Variants in SLC9C1 observed in about 807,000 individuals in gnomAD.
The protein encoded by SLC9C1 is solute carrier family 9 member C1, also known as sodium/hydrogen exchanger 10.
Under a neutral mutation model 140.9 loss-of-function variants are expected in SLC9C1, and 97 were observed. The ratio of observed to expected loss-of-function variants is 0.69; its 90% confidence interval spans 0.58 to 0.82. SLC9C1 has a LOEUF of 0.82. Ranked by LOEUF, SLC9C1 falls within the 40% of genes least tolerant of loss-of-function variation. SLC9C1 has a pLI of 0.00. For synonymous variants in SLC9C1, 440 were observed against 442.6 expected (o/e 0.99, Z 0.07); for missense variants, 1,340 against 1,389.3 (o/e 0.96, Z 0.56).
At chr3:112,157,079 A>G (rs756202134) in intron 26 of SLC9C1, among the ~76,000 whole-genome samples, 4 of 151,898 alleles carry the variant, frequency 2.6e-5, no homozygotes, top group Non-Finnish European at 4.4e-5. Context: ...TTGTGGTCTT[A>G]GGCAAAAAAA....
intron 17 of SLC9C1, among the ~76,000 whole-genome samples, chr3:112,203,221 A>G (rs546583970): frequency 6.6e-6 from 1 of 152,186 alleles, no homozygotes; most frequent in South Asian, 2.1e-4. Flanking sequence ...GTGATTTAAC[A>G]TAAGACCATA....
At chr3:112,292,866 C>G (rs2080727440) in intron 1 of SLC9C1, among the ~76,000 whole-genome samples, 1 of 150,914 alleles carries the variant, frequency 6.6e-6, no homozygotes, top group Non-Finnish European at 1.5e-5. Flanking sequence ...ATAATTAGAA[C>G]TCTTCATCTT....
intron 20 of SLC9C1, among the ~76,000 whole-genome samples, chr3:112,187,820 CATAG>C (rs764252554): frequency 1.3e-4 from 20 of 152,038 alleles, no homozygotes; most frequent in South Asian, 4.2e-4. Flanking sequence ...TAATATATTA[CATAG>C]ATAGGTGTAT....
intron 20 of SLC9C1, chr3:112,185,409 G>C (rs1460789659): frequency 2.3e-5 from 25 of 1,073,092 alleles, no homozygotes; most frequent in Non-Finnish European, 1.9e-5. Context: ...AGCTGAAAGA[G>C]GCACTCAGGG....
chr3:112,227,947 T>A (rs1240452097), intron 13 of SLC9C1, among the ~76,000 whole-genome samples: 2 of 152,076 alleles, frequency 1.3e-5, no homozygotes, highest in Non-Finnish European at 2.9e-5. Flanking sequence ...CATGTTCATA[T>A]ATTGGAAGAA....
At chr3:112,159,565 T>G (rs2107879403) in intron 26 of SLC9C1, among the ~76,000 whole-genome samples, 2 of 152,262 alleles carry the variant, frequency 1.3e-5, no homozygotes, top group Admixed American at 1.3e-4. Context: ...TCTGTAAATG[T>G]CTGTTAGGCT....
intron 5 of SLC9C1, 79 bp from the exon 6 acceptor site, chr3:112,275,104 T>G (rs953846865): frequency 1.2e-4 from 170 of 1,415,740 alleles, no homozygotes; most frequent in Non-Finnish European, 2.2e-5. Context: ...TACAATTTTC[T>G]TAGCAACTAT....
intron 28 of SLC9C1, among the ~76,000 whole-genome samples, chr3:112,149,916 G>T (rs1001586932): frequency 1.3e-5 from 2 of 152,080 alleles, no homozygotes; most frequent in Non-Finnish European, 2.9e-5. Context: ...AGCAGAAAGG[G>T]CCCCACTGCA....
chr3:112,239,736 C>T, intron 12 of SLC9C1, 104 bp downstream of exon 12: 1 of 1,136,168 alleles, frequency 8.8e-7, no homozygotes, highest in Non-Finnish European at 1.2e-6. Flanking sequence ...ACTTCTCTAT[C>T]AATTACAAAT....
intron 2 of SLC9C1, among the ~76,000 whole-genome samples, chr3:112,284,649 A>G (rs2080452424): frequency 6.6e-6 from 1 of 152,240 alleles, no homozygotes; most frequent in African/African-American, 2.4e-5. Flanking sequence ...AAGAACAACC[A>G]TGTCTCAGGA....
Position 112,140,934 on chromosome 3 carries a change from A to G in SLC9C1, c.*338T>C. The G allele has an allele frequency of 4.7e-6, 1 of 214,178 alleles. No homozygotes were observed. The highest frequency in any genetic ancestry group is 9.8e-5 in the East Asian group (1 of 10,246). The allele number at this position is 214,178 out of a possible 1,614,324, so 13.3% of individuals were successfully genotyped here. A position where few individuals can be genotyped will look rare whatever the true frequency, so the allele number is the denominator to read the frequency against. ...TTTTAATACATTTTATTTTTCATAA[A>G]GTGAACCAAACCATTATTGCTGTAA... On this transcript the variant is annotated 3_prime_UTR_variant, in exon 29 of 29. Transcript: ENST00000305815.
chr3:112,242,794 AATAT>A (rs1378034823), intron 11 of SLC9C1, among the ~76,000 whole-genome samples: 22 of 152,274 alleles, frequency 1.4e-4, no homozygotes, highest in Admixed American at 1.0e-3. Context: ...GCACCCCATA[AATAT>A]ATACAACTAC....
intron 27 of SLC9C1, among the ~76,000 whole-genome samples, 193 bp from the exon 28 acceptor site, chr3:112,152,156 C>A (rs188496955): frequency 1.1e-4 from 16 of 152,258 alleles, no homozygotes; most frequent in Admixed American, 3.9e-4. Context: ...AGACCCGCAC[C>A]GGCACTGGTC....
chr3:112,212,591 GAAGA>G (rs1440416728), intron 15 of SLC9C1, among the ~76,000 whole-genome samples: 2 of 152,184 alleles, frequency 1.3e-5, no homozygotes, highest in Non-Finnish European at 2.9e-5. Flanking sequence ...AGATCAACTG[GAAGA>G]AAGGGTATCA....
At chr3:112,231,657 T>C (rs573257115) in intron 12 of SLC9C1, among the ~76,000 whole-genome samples, 171 bp from the exon 13 acceptor site, 36 of 152,202 alleles carry the variant, frequency 2.4e-4, no homozygotes, top group Non-Finnish European at 4.6e-4. Flanking sequence ...AATCATTTGC[T>C]CAGTTATAGA....
chr3:112,195,636 A>G (rs2077753456), intron 20 of SLC9C1, among the ~76,000 whole-genome samples: 1 of 151,894 alleles, frequency 6.6e-6, no homozygotes, highest in South Asian at 2.1e-4. Context: ...TACTTTTTTT[A>G]TGTGTTTACC....
At chr3:112,259,139 C>T (rs749470252) in intron 10 of SLC9C1, among the ~76,000 whole-genome samples, 31 of 152,098 alleles carry the variant, frequency 2.0e-4, no homozygotes, top group Non-Finnish European at 3.4e-4. Context: ...GAGATCATGT[C>T]CTGCAGGAAA....
Position 112,200,698 on chromosome 3 carries a change from G to A in SLC9C1, c.2374+13C>T. 6.2e-7 allele frequency: 1 copy of A among 1,603,460 alleles called. No individual in the cohort carries two copies. Among genetic ancestry groups the A allele is most frequent in the South Asian group, 1.1e-5 (1 of 89,344 alleles). ...AAGAGATGGTCATGCTAAATAGGATGAGAGCTACTTACCTAGCTCTTTTAT... is the reference window on the plus strand; with the variant it reads ...AAGAGATGGTCATGCTAAATAGGATAAGAGCTACTTACCTAGCTCTTTTAT... On this transcript the variant is annotated intron_variant, in intron 19 of 28. Transcript: ENST00000305815.
chr3:112,209,077 A>G (rs2078131714), intron 15 of SLC9C1, among the ~76,000 whole-genome samples: 1 of 152,214 alleles, frequency 6.6e-6, no homozygotes, highest in Admixed American at 6.5e-5. Flanking sequence ...GTAATACACT[A>G]TTGTTGTTAA....
Sources: gnomAD v4.1 joint callset for allele counts (sites outside exome capture counted in the v4.1 genomes callset) on GRCh38, gnomAD v4.1.1 for gene constraint, MANE v1.5 for transcripts, NCBI Gene and HGNC (gene_info 2026-07-23, HGNC 2026-07-21) for gene names.